The following NRXN3 variants were observed in gnomAD, a reference collection of about 807,000 sequenced individuals.
The protein encoded by NRXN3 is neurexin III.
In NRXN3, 32 loss-of-function variants were observed where a neutral mutation model predicts 137.6. The ratio of observed to expected loss-of-function variants is 0.23; its 90% CI spans 0.18 to 0.31. The LOEUF is 0.31. Ranked by LOEUF, NRXN3 falls within the 10% of genes least tolerant of loss-of-function variation. The pLI, the probability that NRXN3 is intolerant of heterozygous loss-of-function variation, is 1.00. For missense variants in NRXN3, 1,574 were observed against 2,062.5 expected, an observed-to-expected ratio of 0.76 and a Z score of 4.59; for synonymous variants, 798 against 784.5, an observed-to-expected ratio of 1.02 and a Z score of -0.29.
chr14:79,454,765 A>G (rs2096235521), intron 15 of NRXN3, among the ~76,000 whole-genome samples: 1 of 152,162 alleles, frequency 6.6e-6, no homozygotes, highest in African/African-American at 2.4e-5. Context: ...TAAATTTTAG[A>G]GGGAATGGCT....
At chr14:79,297,050 C>T (rs1194084257) in intron 15 of NRXN3, among the ~76,000 whole-genome samples, 1 of 152,206 alleles carries the variant, frequency 6.6e-6, no homozygotes, top group Non-Finnish European at 1.5e-5. Flanking sequence ...AAGCAGAATC[C>T]TCACTTCTTC....
chr14:79,566,926 T>G (rs1410969172), intron 16 of NRXN3, among the ~76,000 whole-genome samples: 1 of 152,130 alleles, frequency 6.6e-6, no homozygotes, highest in Non-Finnish European at 1.5e-5. Flanking sequence ...ATGTTTACCT[T>G]GGTAAAACTT....
At chr14:78,680,182 G>C (rs1175101733) in intron 6 of NRXN3, among the ~76,000 whole-genome samples, 1 of 152,026 alleles carries the variant, frequency 6.6e-6, no homozygotes, top group Non-Finnish European at 1.5e-5. Flanking sequence ...TAAATGATGA[G>C]AACACATGGA....
At chr14:79,087,720 T>C (rs752526937) in intron 15 of NRXN3, among the ~76,000 whole-genome samples, 1 of 152,132 alleles carries the variant, frequency 6.6e-6, no homozygotes, top group Non-Finnish European at 1.5e-5. Context: ...TCAAAACCAA[T>C]GCTCCCCTTT....
intron 8 of NRXN3, among the ~76,000 whole-genome samples, chr14:78,783,614 G>T (rs535422400): frequency 6.6e-6 from 1 of 152,182 alleles, no homozygotes; most frequent in South Asian, 2.1e-4. Context: ...AAGGTGAGGG[G>T]TATAAGAAAC....
intron 15 of NRXN3, among the ~76,000 whole-genome samples, chr14:79,397,410 GAACA>G (rs1567011888): frequency 6.6e-6 from 1 of 152,160 alleles, no homozygotes; most frequent in Non-Finnish European, 1.5e-5. Flanking sequence ...TTGAATGAAT[GAACA>G]AACACTTGGA....
intron 16 of NRXN3, among the ~76,000 whole-genome samples, chr14:79,648,827 G>A (rs930630904): frequency 4.6e-5 from 7 of 152,218 alleles, no homozygotes; most frequent in Non-Finnish European, 8.8e-5. Context: ...CAGAGTTGGC[G>A]TGGCTCATCA....
At chr14:78,986,838 T>C (rs912274105) in intron 14 of NRXN3, among the ~76,000 whole-genome samples, 4 of 151,658 alleles carry the variant, frequency 2.6e-5, no homozygotes, top group Non-Finnish European at 5.9e-5. Flanking sequence ...TTGGCCAACA[T>C]GGTGAAACCC....
In NRXN3 at chr14:78,993,224, A is replaced by C. The variant is rs191512186; in HGVS notation, c.3262+5083A>C. 2.9e-4 allele frequency among the ~76,000 whole-genome samples: 44 copies of C among 151,996 alleles called. 1 individual carries two copies. The highest frequency in any genetic ancestry group is 2.6e-3 in the Admixed American group (40 of 15,262). On this transcript the variant is annotated intron_variant, in intron 15 of 20. Coordinates refer to ENST00000335750, the MANE Select transcript of NRXN3 (RefSeq NM_001330195.2). ...GTGGGTTTATTTATTTTTTTAATGT[A>C]GGTTGGTGTATTGATTAAATCTGTT...
At chr14:79,143,564 A>G (rs1347016884) in intron 15 of NRXN3, among the ~76,000 whole-genome samples, 1 of 152,232 alleles carries the variant, frequency 6.6e-6, no homozygotes, top group Non-Finnish European at 1.5e-5. Flanking sequence ...AGAAAACACC[A>G]TTATGGGAAA....
intron 4 of NRXN3, among the ~76,000 whole-genome samples, chr14:78,481,483 G>A (rs1416058585): frequency 6.6e-6 from 1 of 152,178 alleles, no homozygotes; most frequent in Non-Finnish European, 1.5e-5. Context: ...AAGGCTCATG[G>A]TGATTCAGGA....
chr14:78,938,848 C>CTTTTTTTTTTTTTTTCTTTTTTCT (rs2099347161), intron 10 of NRXN3, among the ~76,000 whole-genome samples: 129 of 132,010 alleles, frequency 9.8e-4, no homozygotes, highest in African/African-American at 1.1e-3. Context: ...AGTGATTTTT[C>CTTTTTTTTTTTTTTTCTTTTTTCT]TTTTTTTTTT....
chr14:79,375,322 A>G (rs1322335628), intron 15 of NRXN3, among the ~76,000 whole-genome samples: 21 of 147,034 alleles, frequency 1.4e-4, no homozygotes, highest in Admixed American at 1.3e-3. Flanking sequence ...TTTTTCATAG[A>G]ACAAAATTTG....
At chr14:79,411,227 G>C (rs1489322118) in intron 15 of NRXN3, among the ~76,000 whole-genome samples, 1 of 151,878 alleles carries the variant, frequency 6.6e-6, no homozygotes, top group Admixed American at 6.6e-5. Context: ...TTAATGGAGG[G>C]GTATTACCAA....
chr14:78,985,435 T>A (rs1472477057), intron 14 of NRXN3, among the ~76,000 whole-genome samples: 2 of 152,212 alleles, frequency 1.3e-5, no homozygotes, highest in East Asian at 3.8e-4. Context: ...CAAAAATTAA[T>A]GACGCAGATA....
chr14:78,669,596 G>A (rs979694786), intron 6 of NRXN3, among the ~76,000 whole-genome samples: 3 of 152,076 alleles, frequency 2.0e-5, no homozygotes, highest in African/African-American at 4.8e-5. Context: ...CTGTTTGTCC[G>A]GATGATTTTA....
chr14:79,812,590 G>A (rs2140879017), intron 20 of NRXN3, among the ~76,000 whole-genome samples: 1 of 152,256 alleles, frequency 6.6e-6, no homozygotes, highest in East Asian at 1.9e-4. Flanking sequence ...CTGTATTTTA[G>A]TTTGGTGACA....
chr14:79,652,186 C>A (rs1603349791), intron 16 of NRXN3, among the ~76,000 whole-genome samples: 1 of 152,134 alleles, frequency 6.6e-6, no homozygotes, highest in African/African-American at 2.4e-5. Context: ...CACACACAAT[C>A]ACACACACAT....
chr14:78,293,008 A>G (rs2075963332), intron 3 of NRXN3, among the ~76,000 whole-genome samples: 1 of 152,198 alleles, frequency 6.6e-6, no homozygotes, highest in African/African-American at 2.4e-5. Flanking sequence ...TGCCTAGCAT[A>G]GACTCTGTTT....
Sources: gnomAD v4.1 joint callset for allele counts (sites outside exome capture counted in the v4.1 genomes callset) on GRCh38, gnomAD v4.1.1 for gene constraint, MANE v1.5 for transcripts, NCBI Gene and HGNC (gene_info 2026-07-23, HGNC 2026-07-21) for gene names.